The following CDCA7L variants were observed in gnomAD, a reference collection of about 807,000 sequenced individuals.
The protein encoded by CDCA7L is cell division cycle-associated 7-like protein.
A neutral mutation model predicts 57.4 loss-of-function variants in CDCA7L; 44 were observed. The ratio of observed to expected loss-of-function variants is 0.77; its 90% CI spans 0.60 to 0.98. The LOEUF is 0.98. CDCA7L is among the 50% of genes least tolerant of loss of function. The pLI is 0.00. For synonymous variants in CDCA7L, 236 were observed against 202.8 expected (o/e 1.16, Z -1.39); for missense variants, 644 against 580.6 (o/e 1.11, Z -1.12).
chr7:21,930,099 G>A (rs7787698), intron 1 of CDCA7L, among the ~76,000 whole-genome samples: 23,779 of 147,930 alleles, frequency 0.16, 2,089 homozygotes, highest in Non-Finnish European at 0.21. Flanking sequence ...GCAAAAGAAC[G>A]GAAATCATAA....
At chr7:21,932,091 A>G (rs1002287620) in intron 1 of CDCA7L, among the ~76,000 whole-genome samples, 5 of 152,248 alleles carry the variant, frequency 3.3e-5, no homozygotes, top group Non-Finnish European at 7.3e-5. Context: ...AATACTACTT[A>G]CAAGGGAAGT....
rs535695570 is a variant in CDCA7L, at chr7:21,901,591, A to G, written c.*731T>C. On this transcript the variant is annotated 3_prime_UTR_variant, in exon 10 of 10. Coordinates refer to ENST00000406877, the MANE Select transcript of CDCA7L (RefSeq NM_018719.5). Reference sequence around the variant, plus strand: ...CTCAAAAAAAAAAAAGTACATCATAAAAGTACATCATATGTGAACATGCAA... The same window carrying G: ...CTCAAAAAAAAAAAAGTACATCATAGAAGTACATCATATGTGAACATGCAA... The G allele has an allele frequency of 5.7e-6, 1 of 176,048 alleles. No individual in the cohort carries two copies. Among genetic ancestry groups the G allele is most frequent in the Non-Finnish European group, 1.2e-5 (1 of 84,008 alleles). 10.9% of individuals were successfully genotyped at this position (176,048 alleles called of 1,614,324 possible).
At position 21,935,839 on chromosome 7, in the gene CDCA7L, T is replaced by C. The variant is rs904750598; in HGVS notation, c.24+9942A>G. 3.9e-5 allele frequency among the ~76,000 whole-genome samples: 6 copies of C among 152,108 alleles called. No individual in the cohort carries two copies. In the East Asian group the frequency reaches 1.2e-3, roughly 29 times the overall value. ...CTGGCCAAGATGGTGAAACCCCATC[T>C]CTACTAAAAATGCAAAAAAATTAGC... On this transcript the variant is annotated intron_variant, in intron 1 of 9. Coordinates refer to ENST00000406877, the MANE Select transcript of CDCA7L (RefSeq NM_018719.5).
rs145711534 is a variant in CDCA7L, at chr7:21,942,626, T to C, written c.24+3155A>G. 7.3e-4 allele frequency among the ~76,000 whole-genome samples: 111 copies of C among 152,374 alleles called. 1 individual carries two copies. The East Asian group carries it at 0.017, about 24-fold the overall frequency. The stretch of plus-strand genomic sequence containing the variant: ...GATGTTCTAATCTTTTTCATTAATT[T>C]ACTCTAATGTTTGTAATTGTTTTAG... On this transcript the variant is annotated intron_variant, in intron 1 of 9. Transcript: ENST00000406877.
chr7:21,911,838 G>T, intron 2 of CDCA7L, 84 bp from the exon 3 acceptor site: 1 of 1,309,982 alleles, frequency 7.6e-7, no homozygotes, highest in South Asian at 1.4e-5. Context: ...CTACTGAACG[G>T]GTACAGAGCT....
At position 21,906,392 on chromosome 7, in the gene CDCA7L, C is replaced by A; in HGVS notation, c.818G>T (p.Arg273Leu). 1 of 1,613,812 alleles carries A rather than the reference C, an allele frequency of 6.2e-7. No homozygotes were observed. Among genetic ancestry groups the A allele is most frequent in the Non-Finnish European group, 8.5e-7 (1 of 1,179,818 alleles). ...GQITRRMNPTRSARPPEKFAL... is the reference protein window; with the variant it reads ...GQITRRMNPTLSARPPEKFAL... ...AAACTTCTCAGGAGGCCGCGCACTCCGGGTTGGGTTCATACGCCGCGTGAT... is the reference window on the plus strand; with the variant it reads ...AAACTTCTCAGGAGGCCGCGCACTCAGGGTTGGGTTCATACGCCGCGTGAT... Residue 273 changes from arginine to leucine, a missense_variant, in exon 6 of 10, where the codon CGG becomes CTG. By Grantham distance (102) the Arg-to-Leu change is moderately radical. Transcript: ENST00000406877.
chr7:21,921,771 CAAA>C (rs79353686), intron 1 of CDCA7L, among the ~76,000 whole-genome samples: 1 of 140,624 alleles, frequency 7.1e-6, no homozygotes, highest in Non-Finnish European at 1.6e-5. Context: ...TCTAGTGAAC[CAAA>C]AAAAAAAGGG....
rs373630263 is a variant in CDCA7L at position 21,944,706 on chromosome 7, T to G, written c.24+1075A>C. 5.3e-5 allele frequency: 8 copies of G among 152,160 alleles called. No individual in the cohort carries two copies. In the South Asian group the frequency reaches 8.3e-4, roughly 16 times the overall value. The allele number at this position is 152,160 out of a possible 1,614,324, so 9.4% of individuals were successfully genotyped here. On this transcript the variant is annotated intron_variant, in intron 1 of 9. Coordinates refer to ENST00000406877, the MANE Select transcript of CDCA7L (RefSeq NM_018719.5). ...AGTGGCTCAGTCTTTGCCGCCAGAC[T>G]CGGGCAGGTGACAGCGGTTTGGGCT...
intron 2 of CDCA7L, among the ~76,000 whole-genome samples, chr7:21,913,163 G>C (rs1302508670): frequency 2.0e-5 from 3 of 152,166 alleles, no homozygotes; most frequent in Non-Finnish European, 4.4e-5. Context: ...GGGAAAGATA[G>C]ATATAATAGA....
At position 21,911,551 on chromosome 7, in the gene CDCA7L, TAA is replaced by T. The variant is rs1324818765; in HGVS notation, c.303+64_303+65del. On this transcript the variant is annotated intron_variant, in intron 3 of 9. Transcript: ENST00000406877. Reference sequence around the variant, plus strand: ...CACTTGTGAAGTGACTGCTTACAAGTAAAACTCTTTCAGAAACAGGATTAAAA... The same window carrying T: ...CACTTGTGAAGTGACTGCTTACAAGTAACTCTTTCAGAAACAGGATTAAAA... 1.8e-5 allele frequency: 28 copies of T among 1,526,706 alleles called. 1 individual carries two copies. Among genetic ancestry groups the T allele is most frequent in the Non-Finnish European group, 2.4e-5 (27 of 1,140,726 alleles). The allele number at this position is 1,526,706 out of a possible 1,614,324, so 94.6% of individuals were successfully genotyped here. A position where few individuals can be genotyped will look rare whatever the true frequency, so the allele number is the denominator to read the frequency against.
intron 1 of CDCA7L, among the ~76,000 whole-genome samples, chr7:21,931,114 T>A (rs1192303643): frequency 2.0e-5 from 3 of 152,126 alleles, no homozygotes. Context: ...AATAACAAGT[T>A]CTGAAATTGG....
rs1249746719 is a variant in CDCA7L at position 21,901,272 on chromosome 7, T to C, written c.*1050A>G. 6.3e-7 allele frequency: 1 copy of C among 1,587,358 alleles called. No homozygotes were observed. The highest frequency in any genetic ancestry group is 1.4e-5 in the African/African-American group (1 of 73,246). ...AAGCGTAAGGTAACACTGGCATTCCTCTAGCCTCTGCTGGAGTGCAGTGAG... is the reference window on the plus strand; with the variant it reads ...AAGCGTAAGGTAACACTGGCATTCCCCTAGCCTCTGCTGGAGTGCAGTGAG... On this transcript the variant is annotated 3_prime_UTR_variant, in exon 10 of 10. Coordinates refer to ENST00000406877, the MANE Select transcript of CDCA7L (RefSeq NM_018719.5).
rs542328010 is a variant in CDCA7L at position 21,901,318 on chromosome 7, C to T, written c.*1004G>A. 1.3e-5 allele frequency: 19 copies of T among 1,470,444 alleles called. No homozygotes were observed. In the Admixed American group the frequency reaches 3.4e-4, roughly 27 times the overall value. 91.1% of individuals were successfully genotyped at this position (1,470,444 alleles called of 1,614,324 possible). On this transcript the variant is annotated 3_prime_UTR_variant, in exon 10 of 10. Coordinates refer to ENST00000406877, the MANE Select transcript of CDCA7L (RefSeq NM_018719.5). ...GTGAGGATTTTCTAGCATGTTGCTGCACTGTTCCCATGCACATTATTCTAA... is the reference window on the plus strand; with the variant it reads ...GTGAGGATTTTCTAGCATGTTGCTGTACTGTTCCCATGCACATTATTCTAA...
chr7:21,917,795 G>A (rs951091769), intron 1 of CDCA7L, among the ~76,000 whole-genome samples: 5 of 152,160 alleles, frequency 3.3e-5, no homozygotes, highest in Admixed American at 2.6e-4. Context: ...TGCAAACATT[G>A]TATTGATTGG....
intron 1 of CDCA7L, among the ~76,000 whole-genome samples, chr7:21,929,702 A>G (rs1475826106): frequency 6.6e-6 from 1 of 151,728 alleles, no homozygotes; most frequent in African/African-American, 2.4e-5. Flanking sequence ...CTTTAAACCA[A>G]TGAAGATCAA....
At chr7:21,916,545 T>C (rs544186289) in intron 2 of CDCA7L, among the ~76,000 whole-genome samples, 1 of 145,510 alleles carries the variant, frequency 6.9e-6, no homozygotes, top group African/African-American at 2.5e-5. Context: ...AAAAGAATTA[T>C]GGTACAGGGA....
intron 1 of CDCA7L, among the ~76,000 whole-genome samples, chr7:21,945,520 C>T (rs1019771460): frequency 3.3e-5 from 5 of 152,154 alleles, no homozygotes; most frequent in African/African-American, 9.7e-5. Flanking sequence ...CCCCGGCGGC[C>T]ACCCGAGACT....
At chr7:21,943,702 G>A (rs1412602451) in intron 1 of CDCA7L, among the ~76,000 whole-genome samples, 1 of 151,282 alleles carries the variant, frequency 6.6e-6, no homozygotes, top group African/African-American at 2.4e-5. Context: ...TCTTTGATTT[G>A]CACTGCCAAT....
At position 21,902,139 on chromosome 7, in the gene CDCA7L, C is replaced by G. The variant is rs1481136827; in HGVS notation, c.*183G>C. On this transcript the variant is annotated 3_prime_UTR_variant, in exon 10 of 10. Coordinates refer to ENST00000406877, the MANE Select transcript of CDCA7L (RefSeq NM_018719.5). The stretch of plus-strand genomic sequence containing the variant: ...GCATACATCTATATAGATTCCTCTG[C>G]TCTGCTGTCTTCCTGAGAAATCTTT... 4 of 646,988 alleles carry G rather than the reference C, an allele frequency of 6.2e-6. No homozygotes were observed. The South Asian group carries it at 7.6e-5, about 12-fold the overall frequency. 40.1% of individuals were successfully genotyped at this position (646,988 alleles called of 1,614,324 possible). A position where few individuals can be genotyped will look rare whatever the true frequency, so the allele number is the denominator to read the frequency against.
Sources: allele counts gnomAD v4.1 joint callset (sites outside exome capture counted in the v4.1 genomes callset), GRCh38; gene constraint gnomAD v4.1.1; transcripts MANE v1.5; gene names NCBI Gene and HGNC (gene_info 2026-07-23, HGNC 2026-07-21).